The following CTNNA3 variants were observed in gnomAD, a reference collection of about 807,000 sequenced individuals.
CTNNA3 encodes the protein catenin alpha-3.
CTNNA3 carries 76 observed loss-of-function variants against 95.7 expected under a neutral mutation model. The ratio of observed to expected loss-of-function variants is 0.79; its 90% confidence interval spans 0.66 to 0.96. The LOEUF (loss-of-function observed/expected upper bound fraction) is 0.96. CTNNA3 is among the 40% of genes least tolerant of loss of function. CTNNA3 has a pLI of 0.00. For missense variants in CTNNA3, 1,191 were observed against 1,089.8 expected (o/e 1.09, Z -1.31); for synonymous variants, 431 against 374.4 (o/e 1.15, Z -1.74).
intron 5 of CTNNA3, among the ~76,000 whole-genome samples, chr10:67,303,313 T>C (rs1211216322): frequency 6.6e-6 from 1 of 152,158 alleles, no homozygotes; most frequent in African/African-American, 2.4e-5. Flanking sequence ...GGGGATAATA[T>C]AATAAATAAC....
At chr10:67,290,028 A>C (rs1204286737) in intron 5 of CTNNA3, among the ~76,000 whole-genome samples, 1 of 151,886 alleles carries the variant, frequency 6.6e-6, no homozygotes, top group African/African-American at 2.4e-5. Context: ...CTGGCCTCAA[A>C]TTCCTGGCCT....
intron 17 of CTNNA3, among the ~76,000 whole-genome samples, chr10:65,944,625 A>G (rs2077481176): frequency 6.6e-6 from 1 of 152,220 alleles, no homozygotes; most frequent in Non-Finnish European, 1.5e-5. Flanking sequence ...GCATTCACTC[A>G]TATGTCCATG....
At chr10:66,040,269 T>C (rs2079657749) in intron 15 of CTNNA3, among the ~76,000 whole-genome samples, 1 of 151,968 alleles carries the variant, frequency 6.6e-6, no homozygotes. Context: ...GCTTATACAC[T>C]ATTGGGTGGG....
At chr10:65,984,095 G>A (rs1338016866) in intron 16 of CTNNA3, among the ~76,000 whole-genome samples, 1 of 151,144 alleles carries the variant, frequency 6.6e-6, no homozygotes, top group African/African-American at 2.4e-5. Context: ...AGTTGGAATG[G>A]ATATTACTGT....
chr10:66,582,402 C>T (rs569415779), intron 10 of CTNNA3, among the ~76,000 whole-genome samples: 1 of 151,636 alleles, frequency 6.6e-6, no homozygotes, highest in African/African-American at 2.4e-5. Flanking sequence ...TTTGTAGCTA[C>T]TGTAAAAGGG....
chr10:67,724,227 G>A (rs931529954), intron 1 of CTNNA3, among the ~76,000 whole-genome samples: 3 of 152,128 alleles, frequency 2.0e-5, no homozygotes, highest in Non-Finnish European at 4.4e-5. Flanking sequence ...AGCTAAGACT[G>A]TTTATACCAG....
chr10:66,800,128 CA>C (rs1026013988), intron 7 of CTNNA3, among the ~76,000 whole-genome samples: 4 of 151,110 alleles, frequency 2.6e-5, no homozygotes, highest in African/African-American at 9.7e-5. Context: ...AATTTGGATA[CA>C]AAAACACATG....
At chr10:67,028,603 C>T (rs552967979) in intron 7 of CTNNA3, among the ~76,000 whole-genome samples, 7 of 148,558 alleles carry the variant, frequency 4.7e-5, no homozygotes, top group African/African-American at 1.2e-4. Flanking sequence ...TTTTCCAGGC[C>T]AAGAAGGAAG....
chr10:67,581,809 T>A (rs190344364), intron 3 of CTNNA3, among the ~76,000 whole-genome samples: 53 of 152,328 alleles, frequency 3.5e-4, no homozygotes, highest in African/African-American at 1.1e-3. Context: ...TGTCCAGGAA[T>A]TTATCCATTT....
intron 10 of CTNNA3, among the ~76,000 whole-genome samples, chr10:66,523,721 C>T (rs781002014): frequency 5.3e-5 from 8 of 151,998 alleles, no homozygotes; most frequent in Non-Finnish European, 1.0e-4. Flanking sequence ...CTTTTGAGTT[C>T]GGGCCTTATT....
intron 13 of CTNNA3, among the ~76,000 whole-genome samples, chr10:66,114,387 T>G (rs568362266): frequency 2.0e-3 from 302 of 152,002 alleles, no homozygotes; most frequent in African/African-American, 7.1e-3. Flanking sequence ...TATATGTGTG[T>G]ATATATGTAT....
chr10:66,572,455 C>G (rs969228060), intron 10 of CTNNA3, among the ~76,000 whole-genome samples: 3 of 151,374 alleles, frequency 2.0e-5, no homozygotes, highest in Non-Finnish European at 2.9e-5. Context: ...CCTAGACAAA[C>G]TATATGTCTA....
At chr10:67,161,556 C>G (rs546089699) in intron 7 of CTNNA3, among the ~76,000 whole-genome samples, 2 of 151,636 alleles carry the variant, frequency 1.3e-5, no homozygotes, top group Non-Finnish European at 2.9e-5. Context: ...ACTATAGACA[C>G]ATCAAAAAAG....
At chr10:66,943,587 C>G (rs995904671) in intron 7 of CTNNA3, among the ~76,000 whole-genome samples, 1 of 151,496 alleles carries the variant, frequency 6.6e-6, no homozygotes, top group African/African-American at 2.4e-5. Context: ...GAAACTCTCA[C>G]GGCGAGGTGT....
intron 5 of CTNNA3, among the ~76,000 whole-genome samples, chr10:67,411,702 TATAAC>T (rs1198552858): frequency 2.0e-5 from 3 of 152,126 alleles, no homozygotes; most frequent in Non-Finnish European, 4.4e-5. Flanking sequence ...CTCTGGCAAA[TATAAC>T]AGAGTTTTCC....
intron 1 of CTNNA3, among the ~76,000 whole-genome samples, chr10:67,727,786 A>C (rs1564841818): frequency 7.8e-6 from 1 of 128,090 alleles, no homozygotes; most frequent in Non-Finnish European, 1.6e-5. Flanking sequence ...TAATATGTAA[A>C]ATACATATAT....
intron 17 of CTNNA3, among the ~76,000 whole-genome samples, chr10:65,930,081 C>T (rs892998905): frequency 2.0e-5 from 3 of 151,062 alleles, no homozygotes; most frequent in Admixed American, 6.6e-5. Flanking sequence ...TGCATGTGCA[C>T]ACACCTGTAC....
intron 7 of CTNNA3, among the ~76,000 whole-genome samples, chr10:67,065,548 C>T (rs146334601): frequency 3.5e-4 from 53 of 152,240 alleles, no homozygotes; most frequent in Middle Eastern, 3.4e-3. Context: ...GAAGTATAAG[C>T]TTCCCACTCT....
intron 13 of CTNNA3, among the ~76,000 whole-genome samples, chr10:66,228,505 T>C (rs925474221): frequency 5.3e-5 from 8 of 152,130 alleles, no homozygotes; most frequent in African/African-American, 1.7e-4. Context: ...TCTATGTTTA[T>C]TTCATTGTTA....
Sources: gnomAD v4.1 joint callset for allele counts (sites outside exome capture counted in the v4.1 genomes callset) on GRCh38, gnomAD v4.1.1 for gene constraint, MANE v1.5 for transcripts, NCBI Gene and HGNC (gene_info 2026-07-23, HGNC 2026-07-21) for gene names.